TIAM2: variants seen among roughly 807,000 people sequenced by gnomAD.
The protein encoded by TIAM2 is rho guanine nucleotide exchange factor TIAM2.
Under a neutral mutation model 152.9 loss-of-function variants are expected in TIAM2, and 80 were observed. The observed-to-expected ratio is 0.52, with a 90% CI of 0.44 to 0.63. TIAM2 has a LOEUF of 0.63. Among genes scored for constraint, TIAM2 ranks in the 30% least tolerant of loss-of-function variants. TIAM2 has a pLI of 0.00. For missense variants in TIAM2, 1,965 were observed against 2,120.1 expected (o/e 0.93, Z 1.44); for synonymous variants, 804 against 838.0 (o/e 0.96, Z 0.70).
At chr6:155,231,750 GTCCAGATGTGCAGGA>G (rs1782486256) in intron 15 of TIAM2, among the ~76,000 whole-genome samples, 1 of 152,264 alleles carries the variant, frequency 6.6e-6, no homozygotes, top group Non-Finnish European at 1.5e-5. Flanking sequence ...CCACTGTGCA[GTCCAGATGTGCAGGA>G]TCCACCTCCA....
chr6:155,034,884 G>A (rs1776894623), intron 1 of TIAM2, among the ~76,000 whole-genome samples: 1 of 152,112 alleles, frequency 6.6e-6, no homozygotes, highest in East Asian at 1.9e-4. Context: ...CCTGTTTATT[G>A]TGAAGTTTTT....
intron 1 of TIAM2, among the ~76,000 whole-genome samples, chr6:155,017,755 G>A (rs9397761): frequency 5.3e-5 from 8 of 151,702 alleles, no homozygotes; most frequent in South Asian, 2.1e-4. Flanking sequence ...CACCTGCCTC[G>A]GCCTCCCAAA....
intron 8 of TIAM2, 60 bp from the exon 9 acceptor site, chr6:155,165,201 CAT>C: frequency 1.3e-6 from 2 of 1,518,750 alleles, no homozygotes; most frequent in Non-Finnish European, 1.8e-6. Context: ...TCACTTCCTT[CAT>C]TTTTTCTGCC....
intron 1 of TIAM2, among the ~76,000 whole-genome samples, chr6:155,033,551 G>T (rs929055867): frequency 1.3e-5 from 2 of 151,926 alleles, no homozygotes; most frequent in South Asian, 4.2e-4. Flanking sequence ...TCTTAGTTAA[G>T]AAAGGAAGCC....
chr6:155,250,869 C>T, intron 21 of TIAM2, 44 bp from the exon 22 acceptor site: 1 of 1,580,946 alleles, frequency 6.3e-7, no homozygotes, highest in Non-Finnish European at 8.7e-7. Context: ...ATCATCTAGC[C>T]TGGGATTTCC....
chr6:155,091,705 A>G (rs1220797063), intron 2 of TIAM2, among the ~76,000 whole-genome samples: 1 of 151,844 alleles, frequency 6.6e-6, no homozygotes, highest in Non-Finnish European at 1.5e-5. Context: ...TCTTTTTTTT[A>G]TCATCTACAT....
At chr6:155,072,383 A>T (rs1404998494) in intron 1 of TIAM2, among the ~76,000 whole-genome samples, 2 of 152,154 alleles carry the variant, frequency 1.3e-5, no homozygotes, top group Non-Finnish European at 1.5e-5. Context: ...AAGGAGAGGG[A>T]GGCATACATT....
chr6:154,997,516 G>T (rs1778237242), intron 1 of TIAM2, among the ~76,000 whole-genome samples: 1 of 151,196 alleles, frequency 6.6e-6, no homozygotes. Flanking sequence ...GTATGGGTTA[G>T]TAGTGACCCT....
In TIAM2 at chr6:155,025,821, A is replaced by AACACACAC. The variant is rs58173623; in HGVS notation, c.-209+30377_-209+30384dup. Among the ~76,000 whole-genome samples the AACACACAC allele has an allele frequency of 1.0e-3, 133 of 131,866 alleles. 1 individual carries two copies. Among genetic ancestry groups the AACACACAC allele is most frequent in the East Asian group, 4.5e-3 (20 of 4,480 alleles). 86.5% of individuals were successfully genotyped at this position (131,866 alleles called of 152,430 possible). A position where few individuals can be genotyped will look rare whatever the true frequency, so the allele number is the denominator to read the frequency against. The stretch of plus-strand genomic sequence containing the variant: ...AACACATGTGAGCACCTCCCCCTCA[A>AACACACAC]ACACACACACACACACACACACACA... On this transcript the variant is annotated intron_variant, in intron 1 of 26. Transcript: ENST00000682666.
intron 14 of TIAM2, among the ~76,000 whole-genome samples, chr6:155,193,356 G>C (rs575442025): frequency 1.3e-5 from 2 of 152,086 alleles, no homozygotes; most frequent in Non-Finnish European, 2.9e-5. Flanking sequence ...GTGAGCTGTG[G>C]ATTGTGCCAC....
chr6:155,049,653 A>G (rs757281942), intron 1 of TIAM2, among the ~76,000 whole-genome samples: 2 of 152,162 alleles, frequency 1.3e-5, no homozygotes, highest in African/African-American at 2.4e-5. Context: ...AATTGTTAAA[A>G]TGGTTCTAAT....
chr6:155,095,106 G>A lies in TIAM2; in HGVS notation c.-118+4727G>A, dbSNP rs1332074752. ...TGGGGACAGTGTGTAATTTGCACAC[G>A]TCTGTGATCTATGGAACTAAGTTCC... On this transcript the variant is annotated intron_variant, in intron 2 of 26. Coordinates refer to ENST00000682666, the MANE Select transcript of TIAM2 (RefSeq NM_012454.4). Among the ~76,000 whole-genome samples the A allele has an allele frequency of 3.3e-5, 5 of 152,086 alleles. No homozygotes were observed. The East Asian group carries it at 9.7e-4, about 29-fold the overall frequency.
intron 5 of TIAM2, 111 bp downstream of exon 5, chr6:155,137,723 GA>G (rs1779588996): frequency 8.1e-6 from 10 of 1,230,012 alleles, no homozygotes; most frequent in Non-Finnish European, 9.9e-6. Flanking sequence ...TGAGGGGTTT[GA>G]CACAGGATCC....
intron 2 of TIAM2, among the ~76,000 whole-genome samples, chr6:155,091,014 C>T (rs916513248): frequency 3.9e-5 from 6 of 152,070 alleles, no homozygotes; most frequent in South Asian, 2.1e-4. Flanking sequence ...GACTGTTTGC[C>T]GTGTCTGGAG....
intron 6 of TIAM2, among the ~76,000 whole-genome samples, chr6:155,145,527 AT>A (rs1258106608): frequency 1.3e-5 from 2 of 152,170 alleles, no homozygotes; most frequent in Non-Finnish European, 2.9e-5. Context: ...TGCTTAATAA[AT>A]TTTAACTTGG....
intron 1 of TIAM2, among the ~76,000 whole-genome samples, chr6:155,055,401 A>G (rs1178468707): frequency 6.6e-6 from 1 of 152,230 alleles, no homozygotes; most frequent in Non-Finnish European, 1.5e-5. Flanking sequence ...AGAAAGCAAG[A>G]TTATAGAAGA....
chr6:155,209,618 G>A (rs951408693), intron 14 of TIAM2, among the ~76,000 whole-genome samples: 1 of 152,178 alleles, frequency 6.6e-6, no homozygotes, highest in Non-Finnish European at 1.5e-5. Context: ...TTTCGGGTCA[G>A]CACTGCCTTC....
At chr6:155,140,288 A>G (rs1215570075) in intron 5 of TIAM2, among the ~76,000 whole-genome samples, 1 of 152,176 alleles carries the variant, frequency 6.6e-6, no homozygotes, top group African/African-American at 2.4e-5. Flanking sequence ...ATGGGGAGAG[A>G]GTGAACATGT....
chr6:155,225,190 A>G (rs553229994), intron 15 of TIAM2, among the ~76,000 whole-genome samples: 1 of 152,194 alleles, frequency 6.6e-6, no homozygotes, highest in South Asian at 2.1e-4. Flanking sequence ...TCCTGACTTC[A>G]GATGATCCAC....
Sources: allele counts gnomAD v4.1 joint callset (sites outside exome capture counted in the v4.1 genomes callset), GRCh38; gene constraint gnomAD v4.1.1; transcripts MANE v1.5; gene names NCBI Gene and HGNC (gene_info 2026-07-23, HGNC 2026-07-21).